SRGAP3: variants seen among roughly 807,000 people sequenced by gnomAD.
SRGAP3 encodes SLIT-ROBO Rho GTPase activating protein 3.
SRGAP3 carries 39 observed loss-of-function variants against 121.1 expected under a neutral mutation model. That is an observed-to-expected ratio of 0.32 (90% CI 0.25 to 0.42). The LOEUF (loss-of-function observed/expected upper bound fraction) is 0.42. SRGAP3 is among the 10% of genes least tolerant of loss of function. The pLI is 1.00. For missense variants in SRGAP3, 1,213 were observed against 1,470.6 expected (o/e 0.82, Z 2.86); for synonymous variants, 601 against 570.0 (o/e 1.05, Z -0.77).
intron 21 of SRGAP3, among the ~76,000 whole-genome samples, chr3:8,989,865 C>T (rs1260395471): frequency 2.6e-5 from 4 of 152,202 alleles, no homozygotes; most frequent in Non-Finnish European, 5.9e-5. Flanking sequence ...TTTAGCTCTG[C>T]CCACCCTTTG....
At chr3:9,136,406 C>G (rs930135658) in intron 1 of SRGAP3, among the ~76,000 whole-genome samples, 6 of 150,364 alleles carry the variant, frequency 4.0e-5, no homozygotes, top group Non-Finnish European at 8.9e-5. Flanking sequence ...CCCCCCCCCC[C>G]CCGACCGCCC....
chr3:9,115,928 G>T (rs901730125), intron 2 of SRGAP3, among the ~76,000 whole-genome samples: 4 of 152,136 alleles, frequency 2.6e-5, no homozygotes, highest in African/African-American at 9.7e-5. Flanking sequence ...CAATCTTGAG[G>T]TCTGTTCTCT....
At chr3:9,269,545 C>G (rs771161540) in intron 3 of SRGAP3, among the ~76,000 whole-genome samples, 2 of 152,230 alleles carry the variant, frequency 1.3e-5, no homozygotes, top group Non-Finnish European at 2.9e-5. Context: ...AGTTCTTATT[C>G]ACCTGCTATA....
chr3:9,080,165 G>A, intron 3 of SRGAP3, 78 bp from the exon 4 acceptor site: 1 of 1,484,934 alleles, frequency 6.7e-7, no homozygotes, highest in South Asian at 1.1e-5. Flanking sequence ...AAAAGCGAAA[G>A]GTCAGGAATG....
chr3:9,045,965 C>G (rs560449369), intron 10 of SRGAP3, among the ~76,000 whole-genome samples: 1 of 152,142 alleles, frequency 6.6e-6, no homozygotes, highest in Non-Finnish European at 1.5e-5. Flanking sequence ...CTCCCTTTCT[C>G]CTCCATTCTC....
At chr3:9,328,867 T>C (rs922106629) in intron 2 of SRGAP3, among the ~76,000 whole-genome samples, 1 of 152,234 alleles carries the variant, frequency 6.6e-6, no homozygotes, top group African/African-American at 2.4e-5. Context: ...CTACTCAAGA[T>C]AATTTTTAGA....
intron 10 of SRGAP3, among the ~76,000 whole-genome samples, chr3:9,044,829 C>T (rs529897489): frequency 5.3e-5 from 8 of 152,230 alleles, no homozygotes; most frequent in African/African-American, 1.9e-4. Flanking sequence ...TGAATTTTTT[C>T]CCTTCTTCCT....
At chr3:9,000,083 G>C (rs1942662275) in intron 18 of SRGAP3, among the ~76,000 whole-genome samples, 1 of 152,194 alleles carries the variant, frequency 6.6e-6, no homozygotes. Context: ...CTGCAGTCAA[G>C]CACACAGGGC....
At chr3:9,303,227 C>T (rs1955098827) in intron 3 of SRGAP3, among the ~76,000 whole-genome samples, 1 of 152,076 alleles carries the variant, frequency 6.6e-6, no homozygotes, top group Non-Finnish European at 1.5e-5. Context: ...GAGTTCAAGA[C>T]CAGCCTGGCC....
At chr3:9,092,709 GA>G (rs1947806665) in intron 3 of SRGAP3, among the ~76,000 whole-genome samples, 1 of 152,138 alleles carries the variant, frequency 6.6e-6, no homozygotes, top group Non-Finnish European at 1.5e-5. Context: ...CCTTAGTATA[GA>G]AAGCATATTG....
At chr3:9,342,362 A>AC (rs1955802026) in intron 1 of SRGAP3, among the ~76,000 whole-genome samples, 1 of 152,158 alleles carries the variant, frequency 6.6e-6, no homozygotes, top group African/African-American at 2.4e-5. Context: ...AAAAAAAAAA[A>AC]AGGAAAGCAA....
At chr3:9,284,452 G>A (rs1242077416) in intron 3 of SRGAP3, among the ~76,000 whole-genome samples, 3 of 152,226 alleles carry the variant, frequency 2.0e-5, no homozygotes, top group Non-Finnish European at 4.4e-5. Flanking sequence ...TAAGGTGCCA[G>A]AAGCTTTAGC....
At chr3:9,025,413 A>G in intron 13 of SRGAP3, 75 bp from the exon 14 acceptor site, 1 of 1,440,384 alleles carries the variant, frequency 6.9e-7, no homozygotes, top group Non-Finnish European at 9.8e-7. Flanking sequence ...CGGGAATATC[A>G]GTGACTCTCC....
At chr3:9,021,966 T>A (rs979882030) in intron 14 of SRGAP3, among the ~76,000 whole-genome samples, 2 of 152,038 alleles carry the variant, frequency 1.3e-5, no homozygotes, top group African/African-American at 4.8e-5. Flanking sequence ...CCCAGCTACT[T>A]GGTGGATGGA....
chr3:9,345,547 C>A (rs1955870492), intron 1 of SRGAP3, among the ~76,000 whole-genome samples: 1 of 151,190 alleles, frequency 6.6e-6, no homozygotes, highest in African/African-American at 2.4e-5. Flanking sequence ...CTTTGGGAGG[C>A]CGAGGAAGGT....
At chr3:9,121,021 C>A (rs1948986249) in intron 2 of SRGAP3, among the ~76,000 whole-genome samples, 1 of 152,170 alleles carries the variant, frequency 6.6e-6, no homozygotes, top group Non-Finnish European at 1.5e-5. Context: ...AGACTCGGAG[C>A]CAAGGGAACT....
At chr3:9,247,849 G>A (rs1335791241) in intron 1 of SRGAP3, among the ~76,000 whole-genome samples, 1 of 152,226 alleles carries the variant, frequency 6.6e-6, no homozygotes, top group South Asian at 2.1e-4. Context: ...CTTCCCACAG[G>A]GCACATCCTC....
At chr3:9,280,314 A>T (rs1954653541) in intron 3 of SRGAP3, among the ~76,000 whole-genome samples, 1 of 152,242 alleles carries the variant, frequency 6.6e-6, no homozygotes, top group Admixed American at 6.5e-5. Flanking sequence ...CATGTGTTGC[A>T]CACTCAAGGT....
intron 12 of SRGAP3, among the ~76,000 whole-genome samples, chr3:9,030,036 C>A (rs1225604050): frequency 1.3e-5 from 2 of 151,956 alleles, no homozygotes; most frequent in African/African-American, 2.4e-5. Flanking sequence ...CGTATAGCCC[C>A]AGCTACTCGG....
Sources: allele counts gnomAD v4.1 joint callset (sites outside exome capture counted in the v4.1 genomes callset), GRCh38; gene constraint gnomAD v4.1.1; transcripts MANE v1.5; gene names NCBI Gene and HGNC (gene_info 2026-07-23, HGNC 2026-07-21).